Variants in CDH10 observed in about 807,000 individuals in gnomAD.
CDH10 encodes cadherin-10.
A neutral mutation model predicts 73.1 loss-of-function variants in CDH10; 30 were observed. The ratio of observed to expected loss-of-function variants is 0.41; its 90% CI spans 0.31 to 0.56. The LOEUF is 0.56. Ranked by LOEUF, CDH10 falls within the 20% of genes least tolerant of loss-of-function variation. The pLI, the probability that CDH10 is intolerant of heterozygous loss-of-function variation, is 0.27. For missense variants in CDH10, 815 were observed against 973.7 expected (o/e 0.84, Z 2.17); for synonymous variants, 345 against 348.2 (o/e 0.99, Z 0.10).
chr5:24,552,189 G>T (rs1357820300), intron 2 of CDH10, among the ~76,000 whole-genome samples: 1 of 151,826 alleles, frequency 6.6e-6, no homozygotes, highest in Admixed American at 6.6e-5. Context: ...TTTTTGTTTG[G>T]ATATGTAGCT....
At chr5:24,495,706 G>C (rs749859634) in intron 9 of CDH10, among the ~76,000 whole-genome samples, 1 of 151,914 alleles carries the variant, frequency 6.6e-6, no homozygotes, top group Non-Finnish European at 1.5e-5. Context: ...AATCAGGCGG[G>C]CGTGGTGGTG....
intron 7 of CDH10, among the ~76,000 whole-genome samples, chr5:24,508,574 A>C (rs1742781326): frequency 6.7e-6 from 1 of 149,580 alleles, no homozygotes. Context: ...ACTGGAGAGC[A>C]GTGGTGTGAA....
chr5:24,488,204 A>T (rs2111614518), intron 11 of CDH10, 51 bp from the exon 12 acceptor site: 1 of 1,422,900 alleles, frequency 7.0e-7, no homozygotes, highest in Non-Finnish European at 9.6e-7. Context: ...AACACTATAA[A>T]TAACGAGTGG....
At chr5:24,513,513 T>C (rs1250054145) in intron 5 of CDH10, among the ~76,000 whole-genome samples, 1 of 152,154 alleles carries the variant, frequency 6.6e-6, no homozygotes, top group Non-Finnish European at 1.5e-5. Context: ...TTCTAGTCCC[T>C]AGAATTGGGA....
intron 1 of CDH10, among the ~76,000 whole-genome samples, chr5:24,603,897 C>T (rs904413405): frequency 6.6e-6 from 1 of 152,066 alleles, no homozygotes; most frequent in African/African-American, 2.4e-5. Flanking sequence ...TGTCTATTTG[C>T]AAATGGCATG....
intron 2 of CDH10, among the ~76,000 whole-genome samples, chr5:24,586,434 CTTTTTTTTTTT>C (rs35486231): frequency 2.0e-5 from 2 of 100,426 alleles, no homozygotes; most frequent in Non-Finnish European, 1.9e-5. Context: ...TTATTAACTC[CTTTTTTTTTTT>C]TTTTTTTTTT....
chr5:24,636,375 A>T (rs1747868046), intron 1 of CDH10, among the ~76,000 whole-genome samples: 1 of 151,980 alleles, frequency 6.6e-6, no homozygotes, highest in African/African-American at 2.4e-5. Context: ...CGTTAGGTTG[A>T]TTGCATTTTC....
chr5:24,587,974 G>A (rs897164900), intron 2 of CDH10, among the ~76,000 whole-genome samples: 7 of 152,154 alleles, frequency 4.6e-5, no homozygotes, highest in Non-Finnish European at 7.4e-5. Flanking sequence ...CTGCTCTGAA[G>A]ATATTATCAC....
chr5:24,572,343 G>C (rs1745414977), intron 2 of CDH10, among the ~76,000 whole-genome samples: 1 of 151,996 alleles, frequency 6.6e-6, no homozygotes, highest in African/African-American at 2.4e-5. Context: ...AAAGGCATTC[G>C]GCAGATCTAG....
At chr5:24,606,481 T>A (rs1452954649) in intron 1 of CDH10, among the ~76,000 whole-genome samples, 1 of 151,930 alleles carries the variant, frequency 6.6e-6, no homozygotes, top group Non-Finnish European at 1.5e-5. Flanking sequence ...CATGGTGGCA[T>A]GTCCCTGTAA....
chr5:24,598,055 A>G (rs1202757991), intron 1 of CDH10, among the ~76,000 whole-genome samples: 2 of 152,048 alleles, frequency 1.3e-5, no homozygotes, highest in African/African-American at 4.8e-5. Context: ...AATACAGTCT[A>G]ATAACATTTC....
In CDH10 at chr5:24,537,610, C is replaced by T. The variant is rs780399606; in HGVS notation, c.296G>A (p.Gly99Asp). Residue 99 changes from glycine (G) to aspartate (D), a missense_variant, in exon 3 of 12, where the codon GGT becomes GAT. By Grantham distance (94) the Gly-to-Asp change is moderately conservative. Coordinates refer to ENST00000264463, the MANE Select transcript of CDH10 (RefSeq NM_006727.5). ...TTTTTCATCAATAATAAAAAGAGTACCAGCTCCATCTCCAGATAAGATATA... is the reference window on the plus strand; with the variant it reads ...TTTTTCATCAATAATAAAAAGAGTATCAGCTCCATCTCCAGATAAGATATA... ...LKYILSGDGAGTLFIIDEKTG... is the reference protein window; with the variant it reads ...LKYILSGDGADTLFIIDEKTG... The T allele has an allele frequency of 2.5e-6, 4 of 1,604,658 alleles. No homozygotes were observed.
chr5:24,536,600 C>T (rs1025518201), intron 3 of CDH10, among the ~76,000 whole-genome samples: 27 of 152,020 alleles, frequency 1.8e-4, no homozygotes, highest in African/African-American at 6.3e-4. Context: ...TGATGCTTTT[C>T]ATTGCCTGTC....
rs926679748 is a variant in CDH10, at chr5:24,519,903, C to G, written c.815-8389G>C. Among the ~76,000 whole-genome samples the G allele has an allele frequency of 1.6e-4, 24 of 152,274 alleles. No individual in the cohort carries two copies. In the East Asian group the frequency reaches 4.4e-3, roughly 28 times the overall value. ...TGAGGACATACTCAGAGAATCTTCC[C>G]TTGCTGCTTCTGCTACTGGAATTTG... On this transcript the variant is annotated intron_variant, in intron 5 of 11. Transcript: ENST00000264463.
At chr5:24,503,396 T>C (rs918427033) in intron 8 of CDH10, among the ~76,000 whole-genome samples, 2 of 152,208 alleles carry the variant, frequency 1.3e-5, no homozygotes, top group Non-Finnish European at 2.9e-5. Context: ...TGCATGTACA[T>C]GTGCTGGCAG....
At chr5:24,542,420 T>A (rs1209030496) in intron 2 of CDH10, among the ~76,000 whole-genome samples, 1 of 152,184 alleles carries the variant, frequency 6.6e-6, no homozygotes, top group Non-Finnish European at 1.5e-5. Context: ...ATATTTTCTA[T>A]GTTTAGATAT....
intron 1 of CDH10, among the ~76,000 whole-genome samples, chr5:24,615,041 C>A (rs563424975): frequency 2.0e-5 from 3 of 152,196 alleles, no homozygotes; most frequent in Admixed American, 1.3e-4. Context: ...AAGTAGACAT[C>A]CACTCTCAAC....
chr5:24,604,871 T>TCAAAAAAAAAA (rs1453322652), intron 1 of CDH10, among the ~76,000 whole-genome samples: 5 of 116,330 alleles, frequency 4.3e-5, no homozygotes, highest in Non-Finnish European at 6.7e-5. Flanking sequence ...AAGATGTCTC[T>TCAAAAAAAAAA]AAAAAAAAAA....
At chr5:24,626,426 G>A (rs1335083671) in intron 1 of CDH10, among the ~76,000 whole-genome samples, 1 of 152,060 alleles carries the variant, frequency 6.6e-6, no homozygotes, top group East Asian at 1.9e-4. Flanking sequence ...CAATAATCAC[G>A]ATGGAAAAGC....
Sources: gnomAD v4.1 joint callset for allele counts (sites outside exome capture counted in the v4.1 genomes callset) on GRCh38, gnomAD v4.1.1 for gene constraint, MANE v1.5 for transcripts, NCBI Gene and HGNC (gene_info 2026-07-23, HGNC 2026-07-21) for gene names.